PRIM2: variants seen among roughly 807,000 people sequenced by gnomAD.
PRIM2 encodes the protein DNA primase large subunit.
Under a neutral mutation model 67.3 loss-of-function variants are expected in PRIM2, and 39 were observed. The observed-to-expected ratio is 0.58, with a 90% CI of 0.45 to 0.76. PRIM2 has a LOEUF of 0.76. Ranked by LOEUF, PRIM2 falls within the 30% of genes least tolerant of loss-of-function variation. The probability of loss-of-function intolerance (pLI) is 0.00; values close to 1 mark genes in which losing one functional copy is unlikely to be tolerated. For synonymous variants in PRIM2, 143 were observed against 198.7 expected, an observed-to-expected ratio of 0.72 and a Z score of 2.36; for missense variants, 398 against 598.7, an observed-to-expected ratio of 0.66 and a Z score of 3.50.
chr6:57,575,559 A>G (rs2127483003), intron 10 of PRIM2, among the ~76,000 whole-genome samples: 1 of 152,222 alleles, frequency 6.6e-6, no homozygotes, highest in East Asian at 1.9e-4. Flanking sequence ...ATCAGCAAAT[A>G]TAAATAAGTT....
At chr6:57,311,311 C>G (rs1767384781), upstream of PRIM2, among the ~76,000 whole-genome samples, 1 of 143,782 alleles carries the variant, frequency 7.0e-6, no homozygotes, top group South Asian at 2.3e-4. Context: ...CCTCACTTTC[C>G]ATTCAGGGCA....
At chr6:57,467,391 C>T (rs1773230756) in intron 7 of PRIM2, among the ~76,000 whole-genome samples, 2 of 151,950 alleles carry the variant, frequency 1.3e-5, no homozygotes, top group Non-Finnish European at 2.9e-5. Flanking sequence ...GAATCCTTTC[C>T]CCATTGCTTG....
At chr6:57,386,531 A>G (rs1770159712) in intron 7 of PRIM2, among the ~76,000 whole-genome samples, 1 of 151,542 alleles carries the variant, frequency 6.6e-6, no homozygotes, top group African/African-American at 2.4e-5. Flanking sequence ...TTAATAGAAG[A>G]CAGACAGTGA....
intron 7 of PRIM2, among the ~76,000 whole-genome samples, chr6:57,391,596 C>G (rs554445841): frequency 3.3e-5 from 5 of 152,112 alleles, no homozygotes; most frequent in Admixed American, 2.6e-4. Context: ...AGCCAGTTAT[C>G]CAGCACCATT....
intron 10 of PRIM2, among the ~76,000 whole-genome samples, chr6:57,553,461 T>A (rs1775444856): frequency 6.6e-6 from 1 of 152,134 alleles, no homozygotes; most frequent in Non-Finnish European, 1.5e-5. Flanking sequence ...TGTATTTGAA[T>A]ATAATGTTCA....
At chr6:57,379,368 C>T (rs1216064187) in intron 5 of PRIM2, among the ~76,000 whole-genome samples, 1 of 145,318 alleles carries the variant, frequency 6.9e-6, no homozygotes, top group Non-Finnish European at 1.5e-5. Flanking sequence ...AGAAGTTTAA[C>T]GCTTGTACTA....
upstream of PRIM2, among the ~76,000 whole-genome samples, chr6:57,315,487 A>T (rs1019723075): frequency 6.6e-6 from 1 of 152,198 alleles, no homozygotes; most frequent in Non-Finnish European, 1.5e-5. Flanking sequence ...GAGGAGCAAA[A>T]CAGGTGGCAA....
chr6:57,603,640 C>T (rs1364806420), intron 11 of PRIM2, among the ~76,000 whole-genome samples: 2 of 151,804 alleles, frequency 1.3e-5, no homozygotes, highest in East Asian at 1.9e-4. Context: ...GTTCCTTTTG[C>T]TTAGGATTGC....
At chr6:57,290,182 T>C in the PRIM2 span, among the ~76,000 whole-genome samples, 1 of 148,968 alleles carries the variant, frequency 6.7e-6, no homozygotes, top group African/African-American at 2.5e-5. Flanking sequence ...AACAGACTTC[T>C]ATTAAATCCA....
rs4715682 is a variant in PRIM2 at position 57,411,200 on chromosome 6, A to G, written c.693+29032A>G. 6.5e-3 allele frequency among the ~76,000 whole-genome samples: 993 copies of G among 152,058 alleles called. 5 individuals are homozygous for G. Among genetic ancestry groups the G allele is most frequent in the Non-Finnish European group, 7.9e-3 (540 of 68,000 alleles). On this transcript the variant is annotated intron_variant, in intron 7 of 13. Coordinates refer to ENST00000615550, the MANE Select transcript of PRIM2 (RefSeq NM_000947.5). ...TGCTCCTGCTTGACCTTCCTCCATC[A>G]GTAAAAGCTCCCTGAGGCCTCCCCA...
At chr6:57,443,978 C>A (rs1487321619) in intron 7 of PRIM2, among the ~76,000 whole-genome samples, 1 of 152,122 alleles carries the variant, frequency 6.6e-6, no homozygotes, top group African/African-American at 2.4e-5. Flanking sequence ...CATTCTTCTG[C>A]ATGTGGAAAT....
chr6:57,475,525 T>G (rs1232703076), intron 7 of PRIM2, among the ~76,000 whole-genome samples: 25 of 152,230 alleles, frequency 1.6e-4, no homozygotes, highest in African/African-American at 5.8e-4. Flanking sequence ...GTAGCATATG[T>G]CAGTACTCCA....
intron 8 of PRIM2, among the ~76,000 whole-genome samples, chr6:57,518,371 T>C (rs1774532235): frequency 6.6e-6 from 1 of 152,228 alleles, no homozygotes; most frequent in Non-Finnish European, 1.5e-5. Flanking sequence ...TCTCACTATG[T>C]TATGTTTTCT....
intron 10 of PRIM2, among the ~76,000 whole-genome samples, chr6:57,565,724 G>A (rs1775723095): frequency 6.6e-6 from 1 of 152,100 alleles, no homozygotes; most frequent in African/African-American, 2.4e-5. Context: ...AAATATCTGG[G>A]CACGCTGTGA....
chr6:57,516,522 A>T (rs1359967534), intron 8 of PRIM2, among the ~76,000 whole-genome samples: 4 of 152,214 alleles, frequency 2.6e-5, no homozygotes, highest in Non-Finnish European at 5.9e-5. Flanking sequence ...ACAGAAATAT[A>T]AAAAGTTACT....
intron 10 of PRIM2, among the ~76,000 whole-genome samples, chr6:57,578,676 GTTTTTTTTT>G (rs1171202485): frequency 3.0e-5 from 3 of 101,340 alleles, no homozygotes; most frequent in Non-Finnish European, 6.1e-5. Context: ...TTTGTTTTTT[GTTTTTTTTT>G]TTTTTTTTTG....
chr6:57,464,916 A>C (rs1393315382), intron 7 of PRIM2, among the ~76,000 whole-genome samples: 1 of 152,156 alleles, frequency 6.6e-6, no homozygotes, highest in Non-Finnish European at 1.5e-5. Flanking sequence ...TTTTCAGATA[A>C]GAAAGTTGAG....
chr6:57,331,131 T>C (rs1768044563), intron 5 of PRIM2, among the ~76,000 whole-genome samples: 1 of 149,724 alleles, frequency 6.7e-6, no homozygotes, highest in Admixed American at 6.7e-5. Context: ...GATGTTGCAG[T>C]GAGCCGAGAT....
intron 7 of PRIM2, among the ~76,000 whole-genome samples, chr6:57,494,634 G>A (rs1264859287): frequency 8.5e-5 from 13 of 152,148 alleles, no homozygotes; most frequent in Non-Finnish European, 1.6e-4. Flanking sequence ...ATTTAGAAAT[G>A]AGAAGACATC....
Sources: gnomAD v4.1 joint callset for allele counts (sites outside exome capture counted in the v4.1 genomes callset) on GRCh38, gnomAD v4.1.1 for gene constraint, MANE v1.5 for transcripts, NCBI Gene and HGNC (gene_info 2026-07-23, HGNC 2026-07-21) for gene names.